Variants in UBR3 observed in about 807,000 individuals in gnomAD.
The protein encoded by UBR3 is E3 ubiquitin-protein ligase UBR3.
In UBR3, 85 loss-of-function variants were observed where a neutral mutation model predicts 243.2. The observed-to-expected ratio is 0.35, with a 90% CI of 0.29 to 0.42. The LOEUF (loss-of-function observed/expected upper bound fraction) is 0.42, where lower values mean the gene tolerates loss of function less well. Among genes scored for constraint, UBR3 ranks in the 10% least tolerant of loss-of-function variants. UBR3 has a pLI of 1.00. For missense variants in UBR3, 1,686 were observed against 2,300.8 expected, an observed-to-expected ratio of 0.73 and a Z score of 5.47; for synonymous variants, 748 against 799.8, an observed-to-expected ratio of 0.94 and a Z score of 1.09.
intron 36 of UBR3, chr2:170,077,315 G>C: frequency 1.3e-6 from 1 of 786,274 alleles, no homozygotes; most frequent in Non-Finnish European, 2.3e-6. Context: ...GCCTCCTTGT[G>C]TCACAAGGCC....
chr2:169,883,349 T>C (rs2083966623), intron 5 of UBR3, among the ~76,000 whole-genome samples: 1 of 152,158 alleles, frequency 6.6e-6, no homozygotes, highest in African/African-American at 2.4e-5. Flanking sequence ...TCTTACATAG[T>C]AGTGACTTAC....
chr2:169,924,075 A>G lies in UBR3; in HGVS notation c.1933-9A>G, dbSNP rs914593219. 6.5e-7 allele frequency: 1 copy of G among 1,529,278 alleles called. No homozygotes were observed. 94.7% of individuals were successfully genotyped at this position (1,529,278 alleles called of 1,614,324 possible). A position where few individuals can be genotyped will look rare whatever the true frequency, so the allele number is the denominator to read the frequency against. ...ATTGAATTAGTAACTTTTTTATTGT[A>G]ATTTTTAGGCTGTGAAATGTCAAGA... On this transcript the variant is annotated splice_polypyrimidine_tract_variant and intron_variant, in intron 12 of 38. Transcript: ENST00000272793.
chr2:169,899,754 G>A (rs1391755146), intron 8 of UBR3, among the ~76,000 whole-genome samples: 2 of 151,918 alleles, frequency 1.3e-5, no homozygotes, highest in Non-Finnish European at 2.9e-5. Context: ...TGCGGTGTTT[G>A]GTTTTCTGTC....
At chr2:169,846,699 G>C (rs1025099456) in intron 1 of UBR3, among the ~76,000 whole-genome samples, 7 of 144,804 alleles carry the variant, frequency 4.8e-5, no homozygotes, top group Non-Finnish European at 7.5e-5. Context: ...AACAGGGCAA[G>C]ACTCTGTCTC....
intron 30 of UBR3, among the ~76,000 whole-genome samples, chr2:170,023,656 G>A (rs1177505397): frequency 1.3e-5 from 2 of 151,618 alleles, no homozygotes; most frequent in Admixed American, 6.6e-5. Context: ...CCAGTGGTAC[G>A]GTCTTAGCTC....
rs1385381169 is a variant in UBR3, at chr2:170,069,437, ATC to A, written c.5020-3989_5020-3988del. Among the ~76,000 whole-genome samples the A allele has an allele frequency of 3.3e-5, 5 of 152,258 alleles. No homozygotes were observed. In the South Asian group the frequency reaches 6.2e-4, roughly 19 times the overall value. ...AACATATCCATAATCTCACATAGTT[ATC>A]TGTTTTCTGATAACATTTAAGACCT... On this transcript the variant is annotated intron_variant, in intron 35 of 38. Transcript: ENST00000272793.
chr2:169,836,696 A>G (rs981955653), intron 1 of UBR3, among the ~76,000 whole-genome samples: 1 of 151,710 alleles, frequency 6.6e-6, no homozygotes, highest in Non-Finnish European at 1.5e-5. Flanking sequence ...ATATTTTACC[A>G]ATCTGTTGGA....
intron 1 of UBR3, among the ~76,000 whole-genome samples, chr2:169,836,787 T>C (rs2082126611): frequency 1.3e-5 from 2 of 152,218 alleles, no homozygotes; most frequent in African/African-American, 4.8e-5. Context: ...CCATTTGGGC[T>C]TCTTTCTTGG....
intron 31 of UBR3, among the ~76,000 whole-genome samples, chr2:170,033,018 T>A (rs2090721188): frequency 6.6e-6 from 1 of 152,074 alleles, no homozygotes; most frequent in African/African-American, 2.4e-5. Flanking sequence ...AAAGTCATTA[T>A]CCTTAGTAGT....
Position 170,073,427 on chromosome 2 carries a change from GGAA to G in UBR3, c.5029_5031del (p.Glu1677del), listed in dbSNP as rs756945286. The G allele has an allele frequency of 6.8e-6, 11 of 1,613,168 alleles. 1 individual carries two copies. Among genetic ancestry groups the G allele is most frequent in the South Asian group, 4.4e-5 (4 of 90,948 alleles). On this transcript the variant is annotated inframe_deletion and splice_region_variant, in exon 36 of 39. Coordinates refer to ENST00000272793, the MANE Select transcript of UBR3 (RefSeq NM_172070.4). The stretch of plus-strand genomic sequence containing the variant: ...AGAATTTCCTATTTCATGTCTAAAA[GGAA>G]GAAGAAGAATTTTCAGTTCTTGCCA...
intron 25 of UBR3, among the ~76,000 whole-genome samples, chr2:169,990,743 A>ACACACG (rs1553527049): frequency 0.034 from 5,025 of 148,536 alleles, 461 homozygotes; most frequent in African/African-American, 0.12. Context: ...ACACACACAC[A>ACACACG]CACACATAAA....
rs912593640 is a variant in UBR3, at chr2:170,082,216, T to G, written c.*373T>G. ...TGACATTTTACTGCTTCTTTCTGTCTGTGTGTTTTAATTTGCATCTGCCAA... is the reference window on the plus strand; with the variant it reads ...TGACATTTTACTGCTTCTTTCTGTCGGTGTGTTTTAATTTGCATCTGCCAA... On this transcript the variant is annotated 3_prime_UTR_variant, in exon 39 of 39. Coordinates refer to ENST00000272793, the MANE Select transcript of UBR3 (RefSeq NM_172070.4). 1 of 161,240 alleles carries G rather than the reference T, an allele frequency of 6.2e-6. No individual in the cohort carries two copies. The highest frequency in any genetic ancestry group is 2.0e-4 in the South Asian group (1 of 4,924). 10.0% of individuals were successfully genotyped at this position (161,240 alleles called of 1,614,324 possible).
intron 30 of UBR3, 130 bp downstream of exon 30, chr2:170,015,496 C>A: frequency 1.7e-6 from 1 of 578,364 alleles, no homozygotes; most frequent in Non-Finnish European, 3.0e-6. Context: ...GTGATATATA[C>A]TTTAAATGGC....
intron 5 of UBR3, among the ~76,000 whole-genome samples, chr2:169,886,242 G>A (rs2084094858): frequency 6.6e-6 from 1 of 152,114 alleles, no homozygotes; most frequent in Non-Finnish European, 1.5e-5. Context: ...TAATGGTAAG[G>A]GTAGGGCAGG....
At chr2:169,908,451 G>T (rs1377574400) in intron 10 of UBR3, among the ~76,000 whole-genome samples, 4 of 152,068 alleles carry the variant, frequency 2.6e-5, no homozygotes, top group Non-Finnish European at 5.9e-5. Flanking sequence ...CATTTATCAA[G>T]AAACTGTCAT....
chr2:169,874,734 A>G (rs1424257116), intron 2 of UBR3, among the ~76,000 whole-genome samples: 1 of 152,230 alleles, frequency 6.6e-6, no homozygotes, highest in Admixed American at 6.5e-5. Context: ...TGAATAATAT[A>G]TAACATTAGC....
intron 27 of UBR3, among the ~76,000 whole-genome samples, chr2:170,005,407 C>T (rs555105271): frequency 2.6e-5 from 4 of 152,170 alleles, no homozygotes; most frequent in South Asian, 4.2e-4. Context: ...GAATTGGAGA[C>T]GGCATACATT....
At chr2:169,868,823 C>T (rs1205659634) in intron 1 of UBR3, among the ~76,000 whole-genome samples, 1 of 152,116 alleles carries the variant, frequency 6.6e-6, no homozygotes, top group African/African-American at 2.4e-5. Flanking sequence ...CTAAAATATG[C>T]CTTTCAAAAA....
intron 1 of UBR3, among the ~76,000 whole-genome samples, chr2:169,864,863 C>T (rs561252785): frequency 6.3e-4 from 93 of 147,348 alleles, no homozygotes; most frequent in African/African-American, 2.3e-3. Flanking sequence ...GCCAAGATCG[C>T]GCCACTGCAC....
Sources: gnomAD v4.1 joint callset for allele counts (sites outside exome capture counted in the v4.1 genomes callset) on GRCh38, gnomAD v4.1.1 for gene constraint, MANE v1.5 for transcripts, NCBI Gene and HGNC (gene_info 2026-07-23, HGNC 2026-07-21) for gene names.